CTBP1: variants seen among roughly 807,000 people sequenced by gnomAD.
The protein encoded by CTBP1 is C-terminal binding protein 1.
CTBP1 carries 11 observed loss-of-function variants against 42.1 expected under a neutral mutation model. That is an observed-to-expected ratio of 0.26 (90% CI 0.16 to 0.43). The LOEUF (loss-of-function observed/expected upper bound fraction) is 0.43. Ranked by LOEUF, CTBP1 falls within the 20% of genes least tolerant of loss-of-function variation. The probability of loss-of-function intolerance (pLI) is 1.00; values close to 1 mark genes in which losing one functional copy is unlikely to be tolerated. For synonymous variants in CTBP1, 324 were observed against 277.1 expected, an observed-to-expected ratio of 1.17 and a Z score of -1.68; for missense variants, 399 against 624.3, an observed-to-expected ratio of 0.64 and a Z score of 3.85.
At chr4:1,247,991 G>A (rs1049128009) in intron 1 of CTBP1, among the ~76,000 whole-genome samples, 5 of 152,238 alleles carry the variant, frequency 3.3e-5, no homozygotes, top group African/African-American at 1.2e-4. Context: ...AGACACCGGC[G>A]CCCTTGGAGG....
At chr4:1,243,417 C>A (rs1197289836) in intron 1 of CTBP1, 1 of 985,388 alleles carries the variant, frequency 1.0e-6, no homozygotes, top group Middle Eastern at 5.2e-4. Context: ...GCACCCCATG[C>A]CACAGGGACT....
intron 2 of CTBP1, among the ~76,000 whole-genome samples, chr4:1,239,655 T>C (rs1349876213): frequency 6.6e-6 from 1 of 152,182 alleles, no homozygotes; most frequent in East Asian, 1.9e-4. Context: ...AGCACACGCC[T>C]GCAGGGGACG....
chr4:1,241,580 G>A (rs1732180275), intron 1 of CTBP1, 61 bp from the exon 2 acceptor site: 1 of 1,500,474 alleles, frequency 6.7e-7, no homozygotes, highest in Admixed American at 2.0e-5. Context: ...AGAACTCACA[G>A]ACTCCAGGGA....
intron 1 of CTBP1, chr4:1,244,492 C>A (rs1313393320): frequency 1.0e-6 from 1 of 985,102 alleles, no homozygotes; most frequent in African/African-American, 1.7e-5. Flanking sequence ...GCTACCAACC[C>A]TCCACGTCCC....
intron 5 of CTBP1, chr4:1,223,637 T>A (rs947702937): frequency 2.9e-4 from 114 of 388,032 alleles, no homozygotes; most frequent in African/African-American, 2.1e-3. Flanking sequence ...TGGGCCAAGG[T>A]GTCCAGGGAG....
At position 1,238,463 on chromosome 4, in the gene CTBP1, T is replaced by C. The variant is rs1032349343; in HGVS notation, c.8-126A>G. ...GCCGGGGGTTTTCTGGTCTATATGT[T>C]GTGATATTTGTAAAAAGTAAATTAA... On this transcript the variant is annotated intron_variant, in intron 2 of 9. Coordinates refer to ENST00000382952, the MANE Select transcript of CTBP1 (RefSeq NM_001012614.2). This position sits in a 1 kb window ranked among gnomAD's most constrained non-coding sequence, Gnocchi z 5.9. 4.5e-6 allele frequency: 5 copies of C among 1,120,952 alleles called. No individual in the cohort carries two copies. In the Admixed American group the frequency reaches 1.5e-4, roughly 33 times the overall value. The allele number at this position is 1,120,952 out of a possible 1,614,324, so 69.4% of individuals were successfully genotyped here.
At chr4:1,217,530 G>A (rs1235551430) in intron 5 of CTBP1, 1 of 152,346 alleles carries the variant, frequency 6.6e-6, no homozygotes, top group Non-Finnish European at 1.5e-5. Flanking sequence ...ACAGAGAAAG[G>A]CGTCTCCCAC....
chr4:1,242,552 C>A, intron 1 of CTBP1: 1 of 985,396 alleles, frequency 1.0e-6, no homozygotes, highest in East Asian at 1.1e-4. Flanking sequence ...AGCATACATG[C>A]CGACCATCTC....
intron 4 of CTBP1, 69 bp from the exon 5 acceptor site, chr4:1,225,635 C>T (rs911085585): frequency 3.6e-5 from 52 of 1,447,962 alleles, no homozygotes; most frequent in Non-Finnish European, 4.5e-5. Flanking sequence ...CCGGGGCCGC[C>T]GTGACTGGAG....
intron 1 of CTBP1, among the ~76,000 whole-genome samples, chr4:1,247,524 G>A (rs1488262784): frequency 6.6e-6 from 1 of 152,102 alleles, no homozygotes; most frequent in Non-Finnish European, 1.5e-5. Flanking sequence ...CAAAGTTCCA[G>A]GACACAGAAA....
intron 4 of CTBP1, 77 bp downstream of exon 4, chr4:1,228,122 T>C: frequency 6.4e-7 from 1 of 1,566,422 alleles, no homozygotes; most frequent in Non-Finnish European, 8.7e-7. Flanking sequence ...AGTGTGGCAG[T>C]GAAGCCTCCA....
At chr4:1,212,630 T>C (rs1403145349) in intron 9 of CTBP1, 1 of 611,918 alleles carries the variant, frequency 1.6e-6, no homozygotes, top group African/African-American at 1.9e-5. Context: ...CCAGGTGACT[T>C]GAACATGAGG....
intron 4 of CTBP1, 143 bp downstream of exon 4, chr4:1,228,056 C>T (rs1730570946): frequency 3.5e-6 from 4 of 1,137,340 alleles, no homozygotes; most frequent in African/African-American, 3.1e-5. Context: ...ATGCCGGCCC[C>T]AGACGGGACC....
At position 1,248,901 on chromosome 4, in the gene CTBP1, C is replaced by T. The variant is rs1396728371; in HGVS notation, c.-189+15G>A. ...CCCCGCCCGCGGCCGGAAACGCGCG[C>T]GCGCGCGGCCTTACCAAGCGGCAGG... On this transcript the variant is annotated intron_variant, in intron 1 of 9. Coordinates refer to ENST00000382952, the MANE Select transcript of CTBP1 (RefSeq NM_001012614.2). 2.0e-6 allele frequency: 2 copies of T among 980,346 alleles called. No homozygotes were observed. Among genetic ancestry groups the T allele is most frequent in the African/African-American group, 3.6e-5 (2 of 55,430 alleles). 60.7% of individuals were successfully genotyped at this position (980,346 alleles called of 1,614,324 possible).
chr4:1,219,422 C>G (rs940470935), intron 5 of CTBP1, among the ~76,000 whole-genome samples: 1 of 152,142 alleles, frequency 6.6e-6, no homozygotes, highest in Non-Finnish European at 1.5e-5. Flanking sequence ...CACACAAACA[C>G]TGATCAAAAG....
intron 1 of CTBP1, among the ~76,000 whole-genome samples, chr4:1,247,778 G>C (rs1049054484): frequency 2.3e-4 from 34 of 147,154 alleles, no homozygotes; most frequent in Non-Finnish European, 4.0e-4. Flanking sequence ...GGGGGGGGGG[G>C]CTCGGGCTCA....
intron 3 of CTBP1, among the ~76,000 whole-genome samples, chr4:1,231,647 C>T (rs770376185): frequency 3.9e-5 from 6 of 152,270 alleles, no homozygotes; most frequent in African/African-American, 1.2e-4. Flanking sequence ...TTCCAGACCT[C>T]GTGCACAGGG....
In CTBP1 at chr4:1,244,067, C is replaced by T. The variant is rs965979551; in HGVS notation, c.-188-2548G>A. ...GGGTGAGGTGAGGGGCAGCAGCCCC[C>T]AGGTTCTCTGGAGGCATCAAGTCCC... On this transcript the variant is annotated intron_variant, in intron 1 of 9. Coordinates refer to ENST00000382952, the MANE Select transcript of CTBP1 (RefSeq NM_001012614.2). The T allele has an allele frequency of 1.2e-5, 12 of 985,330 alleles. No individual in the cohort carries two copies. The African/African-American group carries it at 2.1e-4, about 17-fold the overall frequency. The allele number at this position is 985,330 out of a possible 1,614,324, so 61.0% of individuals were successfully genotyped here. A position where few individuals can be genotyped will look rare whatever the true frequency, so the allele number is the denominator to read the frequency against.
Position 1,238,049 on chromosome 4 carries a change from G to A in CTBP1, c.162+134C>T. ...CCCGTGTCCACCTCCTGACGGCGCG[G>A]GACGACTGGGACAGAGGCTGCTCCT... is the stretch of plus-strand genomic sequence containing the variant. On this transcript the variant is annotated intron_variant, in intron 3 of 9. Coordinates refer to ENST00000382952, the MANE Select transcript of CTBP1 (RefSeq NM_001012614.2). The surrounding 1 kb of genome is among the most constrained non-coding windows in gnomAD (Gnocchi z 5.9). The A allele has an allele frequency of 2.5e-6, 3 of 1,211,614 alleles. No individual in the cohort carries two copies. Among genetic ancestry groups the A allele is most frequent in the Non-Finnish European group, 3.6e-6 (3 of 825,318 alleles). The allele number at this position is 1,211,614 out of a possible 1,614,324, so 75.1% of individuals were successfully genotyped here. A position where few individuals can be genotyped will look rare whatever the true frequency, so the allele number is the denominator to read the frequency against.
Sources: allele counts gnomAD v4.1 joint callset (sites outside exome capture counted in the v4.1 genomes callset), GRCh38; gene constraint gnomAD v4.1.1; non-coding constraint Gnocchi (gnomAD v3.1); transcripts MANE v1.5; gene names NCBI Gene and HGNC (gene_info 2026-07-23, HGNC 2026-07-21).